ABCC8: variants seen among roughly 807,000 people sequenced by gnomAD.
ABCC8 encodes ATP-binding cassette sub-family C member 8.
ABCC8 carries 137 observed loss-of-function variants against 188.0 expected under a neutral mutation model. That is an observed-to-expected ratio of 0.73 (90% CI 0.63 to 0.84). The LOEUF (loss-of-function observed/expected upper bound fraction) is 0.84, where lower values mean the gene tolerates loss of function less well. Ranked by LOEUF, ABCC8 falls within the 40% of genes least tolerant of loss-of-function variation. The pLI is 0.00. For missense variants in ABCC8, 1,750 were observed against 2,072.7 expected (o/e 0.84, Z 3.02); for synonymous variants, 797 against 846.5 (o/e 0.94, Z 1.01).
chr11:17,402,634 C>T lies in ABCC8; in HGVS notation c.3650+27G>A, dbSNP rs750847058. ...CCCTGGCCCCACCCCTGTTCCACTC[C>T]TACCTTGGGGGAATGTGGACTCGTA... On this transcript the variant is annotated intron_variant, in intron 29 of 38. Transcript: ENST00000389817. 11 of 1,614,130 alleles carry T rather than the reference C, an allele frequency of 6.8e-6. No homozygotes were observed. The African/African-American group carries it at 1.5e-4, about 22-fold the overall frequency.
At chr11:17,432,602 C>T (rs1955899757) in intron 10 of ABCC8, among the ~76,000 whole-genome samples, 2 of 152,150 alleles carry the variant, frequency 1.3e-5, no homozygotes, top group South Asian at 4.1e-4. Context: ...ACAAAGCTGC[C>T]ACTTCTTCCT....
chr11:17,440,102 G>A (rs905745115), intron 10 of ABCC8, among the ~76,000 whole-genome samples: 7 of 152,158 alleles, frequency 4.6e-5, no homozygotes, highest in African/African-American at 1.2e-4. Context: ...ATGACCTGAG[G>A]CTGCCCCAAC....
At chr11:17,468,435 T>C (rs1404958702) in intron 3 of ABCC8, among the ~76,000 whole-genome samples, 1 of 152,174 alleles carries the variant, frequency 6.6e-6, no homozygotes, top group Non-Finnish European at 1.5e-5. Flanking sequence ...GAGGCAGACC[T>C]GCGGATTGAT....
intron 26 of ABCC8, 183 bp from the exon 27 acceptor site, chr11:17,405,746 G>T: frequency 1.3e-6 from 1 of 767,032 alleles, no homozygotes; most frequent in Non-Finnish European, 1.6e-6. Context: ...CCAAAGGGGC[G>T]CTGGCCTTTC....
At chr11:17,409,010 A>G (rs1422747865) in intron 22 of ABCC8, among the ~76,000 whole-genome samples, 4 of 149,976 alleles carry the variant, frequency 2.7e-5, no homozygotes, top group African/African-American at 9.8e-5. Context: ...CTGGGGTGCA[A>G]TGGCACCATC....
At chr11:17,434,994 T>C (rs1447267097) in intron 10 of ABCC8, among the ~76,000 whole-genome samples, 3 of 151,590 alleles carry the variant, frequency 2.0e-5, no homozygotes, top group Non-Finnish European at 2.9e-5. Context: ...CGTGTGTGTG[T>C]GTGTGTGTGT....
At chr11:17,466,828 G>T (rs1197039303) in intron 3 of ABCC8, among the ~76,000 whole-genome samples, 1 of 151,884 alleles carries the variant, frequency 6.6e-6, no homozygotes, top group Admixed American at 6.6e-5. Context: ...ACCACGCCCA[G>T]CTAATTTTTA....
rs1591754416 is a variant in ABCC8, at chr11:17,410,341, G to A, written c.2694+175C>T. On this transcript the variant is annotated intron_variant, in intron 22 of 38. Transcript: ENST00000389817. ...GGGTCTAGGTGATACCAAACCCCTG[G>A]CCTGTACAGGGTCTCCCTGAAATGC... 2.8e-5 allele frequency: 20 copies of A among 710,202 alleles called. No individual in the cohort carries two copies. The South Asian group carries it at 3.6e-4, about 13-fold the overall frequency. 44.0% of individuals were successfully genotyped at this position (710,202 alleles called of 1,614,324 possible).
At chr11:17,466,497 G>T (rs962678614) in intron 3 of ABCC8, among the ~76,000 whole-genome samples, 17 of 152,158 alleles carry the variant, frequency 1.1e-4, no homozygotes, top group African/African-American at 3.9e-4. Flanking sequence ...GTGGTCGTCA[G>T]GGGCTGTAAG....
At chr11:17,431,570 G>T (rs151302321) in intron 11 of ABCC8, among the ~76,000 whole-genome samples, 198 of 152,388 alleles carry the variant, frequency 1.3e-3, no homozygotes, top group African/African-American at 4.4e-3. Context: ...GGGAGGCTGG[G>T]TGAGGGGGCT....
At chr11:17,435,826 G>C in intron 10 of ABCC8, 1 of 1,251,616 alleles carries the variant, frequency 8.0e-7, no homozygotes, top group Admixed American at 1.7e-5. Context: ...GAAGATGAGT[G>C]CAAACTTAGC....
At chr11:17,395,460 G>A (rs1420127543) in intron 35 of ABCC8, 150 bp downstream of exon 35, 5 of 1,463,932 alleles carry the variant, frequency 3.4e-6, no homozygotes, top group Non-Finnish European at 4.6e-6. Context: ...CCTTCCAGAG[G>A]CTGCCTGGGC....
chr11:17,420,401 G>T (rs934470102), intron 16 of ABCC8, among the ~76,000 whole-genome samples: 3 of 152,174 alleles, frequency 2.0e-5, no homozygotes, highest in Non-Finnish European at 2.9e-5. Flanking sequence ...GGGGCCATCT[G>T]GTTCCCATGG....
At chr11:17,434,984 C>CGTGTGT (rs57580521) in intron 10 of ABCC8, among the ~76,000 whole-genome samples, 9,518 of 144,694 alleles carry the variant, frequency 0.066, 345 homozygotes, top group South Asian at 0.11. Flanking sequence ...CGTGTGTTCG[C>CGTGTGT]GTGTGTGTGT....
chr11:17,417,896 C>T (rs7943890), intron 16 of ABCC8, among the ~76,000 whole-genome samples: 50,347 of 151,216 alleles, frequency 0.33, 9,353 homozygotes, highest in African/African-American at 0.5. Context: ...ATTACAGGCA[C>T]GTACCACCAT....
At position 17,406,748 on chromosome 11, in the gene ABCC8, G is replaced by A. The variant is rs139524121; in HGVS notation, c.3203C>T (p.Thr1068Met). The change falls in exon 26 of 39, where the codon ACG (threonine) becomes ATG (methionine). Residue 1068 changes from threonine (T) to methionine (M), a missense_variant. Coordinates refer to ENST00000389817, the MANE Select transcript of ABCC8 (RefSeq NM_000352.6). ...CACAATGCCCAGGCTGCAGAGCACC[G>A]TGAACACCATGGCATAGACAGTCTG... ...LDQTVYAMVF[T>M]VLCSLGIVLC... 1.9e-4 allele frequency: 299 copies of A among 1,614,212 alleles called. 1 individual carries two copies. In the African/African-American group the frequency reaches 3.2e-3, roughly 17 times the overall value.
At chr11:17,445,565 T>C (rs1591838991) in intron 8 of ABCC8, among the ~76,000 whole-genome samples, 1 of 152,224 alleles carries the variant, frequency 6.6e-6, no homozygotes, top group Non-Finnish European at 1.5e-5. Flanking sequence ...CATGTCAATA[T>C]TATAAAAAGC....
chr11:17,443,902 G>A (rs1351526802), intron 8 of ABCC8, among the ~76,000 whole-genome samples: 7 of 152,208 alleles, frequency 4.6e-5, no homozygotes, highest in African/African-American at 1.2e-4. Context: ...TATGAGAAGT[G>A]TAAATGGCCA....
In ABCC8 at chr11:17,463,790, G is replaced by A. The variant is rs530166502; in HGVS notation, c.413-186C>T. ...CATGACTCTAAGATGACGCACGTACGTCTTAACATTCATGAAAAACACCAA... is the reference window on the plus strand; with the variant it reads ...CATGACTCTAAGATGACGCACGTACATCTTAACATTCATGAAAAACACCAA... On this transcript the variant is annotated intron_variant, in intron 3 of 38. Transcript: ENST00000389817. The A allele has an allele frequency of 2.1e-4, 46 of 219,510 alleles. No individual in the cohort carries two copies. In the East Asian group the frequency reaches 7.8e-3, roughly 37 times the overall value. The allele number at this position is 219,510 out of a possible 1,614,324, so 13.6% of individuals were successfully genotyped here. A position where few individuals can be genotyped will look rare whatever the true frequency, so the allele number is the denominator to read the frequency against.
Sources: allele counts gnomAD v4.1 joint callset (sites outside exome capture counted in the v4.1 genomes callset), GRCh38; gene constraint gnomAD v4.1.1; transcripts MANE v1.5; gene names NCBI Gene and HGNC (gene_info 2026-07-23, HGNC 2026-07-21).